Variants in PRKG1 observed in about 807,000 individuals in gnomAD.
PRKG1 encodes protein kinase cGMP-dependent 1, also known as cGMP-dependent protein kinase 1.
A neutral mutation model predicts 88.1 loss-of-function variants in PRKG1; 35 were observed. That is an observed-to-expected ratio of 0.40 (90% confidence interval 0.30 to 0.53). PRKG1 has a LOEUF of 0.53. PRKG1 is among the 20% of genes least tolerant of loss of function. The pLI is 0.59. For synonymous variants in PRKG1, 303 were observed against 292.5 expected (o/e 1.04, Z -0.37); for missense variants, 540 against 839.8 (o/e 0.64, Z 4.41).
chr10:51,821,028 G>T (rs1289168127), intron 4 of PRKG1, among the ~76,000 whole-genome samples: 2 of 152,108 alleles, frequency 1.3e-5, no homozygotes, highest in Non-Finnish European at 2.9e-5. Flanking sequence ...CTCTGCCAAA[G>T]GTAACCACTA....
intron 3 of PRKG1, among the ~76,000 whole-genome samples, chr10:51,747,736 T>C (rs61849968): frequency 0.33 from 49,568 of 152,048 alleles, 9,548 homozygotes; most frequent in Middle Eastern, 0.51. Flanking sequence ...TTTTACAAAA[T>C]ACAGTTTATA....
chr10:51,902,804 A>G (rs542156368), intron 4 of PRKG1, among the ~76,000 whole-genome samples: 10 of 152,310 alleles, frequency 6.6e-5, no homozygotes, highest in Admixed American at 6.5e-4. Flanking sequence ...ATATCATTCT[A>G]TGTCAGGTGA....
At chr10:51,896,645 T>TAAAAA (rs10649150) in intron 4 of PRKG1, among the ~76,000 whole-genome samples, 494 of 94,870 alleles carry the variant, frequency 5.2e-3, no homozygotes, top group East Asian at 6.3e-3. Context: ...CCCTGTCTCT[T>TAAAAA]AAAAAAAAAA....
intron 4 of PRKG1, among the ~76,000 whole-genome samples, chr10:51,900,132 A>G (rs916717412): frequency 2.0e-5 from 3 of 152,162 alleles, no homozygotes; most frequent in African/African-American, 7.2e-5. Flanking sequence ...TAGGTATTCT[A>G]TTATAGCAAT....
intron 2 of PRKG1, among the ~76,000 whole-genome samples, chr10:51,279,364 T>A (rs1000474131): frequency 1.3e-5 from 2 of 152,234 alleles, no homozygotes; most frequent in Admixed American, 6.5e-5. Context: ...TGAGGACTGC[T>A]TTATTTCCAA....
intron 3 of PRKG1, among the ~76,000 whole-genome samples, chr10:51,771,860 T>G (rs963354878): frequency 1.8e-4 from 28 of 152,144 alleles, no homozygotes; most frequent in African/African-American, 6.8e-4. Context: ...TCTTTCCTGG[T>G]ACTCTAAATA....
At chr10:51,613,491 AT>A (rs1249935375) in intron 3 of PRKG1, among the ~76,000 whole-genome samples, 1 of 150,798 alleles carries the variant, frequency 6.6e-6, no homozygotes, top group East Asian at 1.9e-4. Context: ...ATTCTTTGTA[AT>A]TTTTTTAGTC....
intron 8 of PRKG1, among the ~76,000 whole-genome samples, chr10:52,157,161 T>C (rs10762604): frequency 0.7 from 104,576 of 149,200 alleles, 38,171 homozygotes; most frequent in South Asian, 0.83. Context: ...CACTATATCA[T>C]AATAAGGGAT....
At position 51,979,416 on chromosome 10, in the gene PRKG1, T is replaced by TTTTG. The variant is rs1843940441; in HGVS notation, c.762+71849_762+71850insGTTT. Among the ~76,000 whole-genome samples the TTTTG allele has an allele frequency of 1.5e-5, 2 of 134,240 alleles. 1 individual carries two copies. Among genetic ancestry groups the TTTTG allele is most frequent in the African/African-American group, 5.5e-5 (2 of 36,284 alleles). The allele number at this position is 134,240 out of a possible 152,430, so 88.1% of individuals were successfully genotyped here. On this transcript the variant is annotated intron_variant, in intron 5 of 17. Transcript: ENST00000373980. ...TCATCATGGATATTGGTCTGTTTTTTTTTTTTTTTTTTTTTTTTCTGTTTT... is the reference window on the plus strand; with the variant it reads ...TCATCATGGATATTGGTCTGTTTTTTTTTGTTTTTTTTTTTTTTTTTTCTGTTTT...
chr10:51,306,659 A>T (rs1485503874), intron 2 of PRKG1: 5 of 152,180 alleles, frequency 3.3e-5, no homozygotes, highest in Non-Finnish European at 1.5e-5. Flanking sequence ...CATGGACAAC[A>T]TCTAGTAAAG....
chr10:51,988,145 C>T (rs1258286128), intron 5 of PRKG1, among the ~76,000 whole-genome samples: 5 of 151,848 alleles, frequency 3.3e-5, no homozygotes, highest in African/African-American at 1.2e-4. Flanking sequence ...TGCATAATAT[C>T]GTTATGGGGA....
At chr10:51,534,261 C>T (rs1842085657) in intron 3 of PRKG1, among the ~76,000 whole-genome samples, 1 of 152,060 alleles carries the variant, frequency 6.6e-6, no homozygotes, top group African/African-American at 2.4e-5. Context: ...TTAAAATATA[C>T]AATCAATAAA....
At chr10:51,931,577 T>A (rs1166888960) in intron 5 of PRKG1, among the ~76,000 whole-genome samples, 1 of 152,200 alleles carries the variant, frequency 6.6e-6, no homozygotes, top group African/African-American at 2.4e-5. Context: ...TACATAAGGT[T>A]CCCTTGTCTT....
At chr10:51,351,336 T>C (rs1313950810) in intron 2 of PRKG1, among the ~76,000 whole-genome samples, 1 of 152,216 alleles carries the variant, frequency 6.6e-6, no homozygotes, top group Non-Finnish European at 1.5e-5. Flanking sequence ...ATCGCCACAC[T>C]GTCTTCCACA....
chr10:51,785,610 A>G (rs930434713), intron 3 of PRKG1, among the ~76,000 whole-genome samples: 15 of 152,136 alleles, frequency 9.9e-5, no homozygotes, highest in African/African-American at 3.6e-4. Flanking sequence ...TACCAGTAAC[A>G]TTAAGAATCA....
chr10:51,461,539 A>C (rs769124827), intron 2 of PRKG1, among the ~76,000 whole-genome samples: 8 of 152,196 alleles, frequency 5.3e-5, no homozygotes, highest in Non-Finnish European at 1.2e-4. Context: ...CAATGTCCAA[A>C]GAATGATTTT....
At chr10:51,755,218 C>T (rs529206496) in intron 3 of PRKG1, among the ~76,000 whole-genome samples, 1 of 152,282 alleles carries the variant, frequency 6.6e-6, no homozygotes, top group South Asian at 2.1e-4. Context: ...TTAAGCTGTA[C>T]ACTGGATACT....
intron 3 of PRKG1, among the ~76,000 whole-genome samples, chr10:51,707,467 A>G (rs1841638402): frequency 6.6e-6 from 1 of 152,226 alleles, no homozygotes; most frequent in Non-Finnish European, 1.5e-5. Flanking sequence ...GAGCTCCCTT[A>G]TTCGTGCTTC....
At position 52,296,929 on chromosome 10, in the gene PRKG1, T is replaced by G. The variant is rs775901193; in HGVS notation, c.*3029T>G. ...TAAAATTGTGGAATATGCATGTGAA[T>G]TACACATGTGTAGTAATAAACTCAA... On this transcript the variant is annotated 3_prime_UTR_variant, in exon 18 of 18. Transcript: ENST00000373980. 2 of 152,114 alleles carry G rather than the reference T, an allele frequency of 1.3e-5. No individual in the cohort carries two copies. The highest frequency in any genetic ancestry group is 6.6e-5 in the Admixed American group (1 of 15,256). 9.4% of individuals were successfully genotyped at this position (152,114 alleles called of 1,614,324 possible).
Sources: gnomAD v4.1 joint callset for allele counts (sites outside exome capture counted in the v4.1 genomes callset) on GRCh38, gnomAD v4.1.1 for gene constraint, MANE v1.5 for transcripts, NCBI Gene and HGNC (gene_info 2026-07-23, HGNC 2026-07-21) for gene names.